KIR2DL3: variants seen among roughly 807,000 people sequenced by gnomAD.
KIR2DL3 encodes killer cell immunoglobulin like receptor, two Ig domains and long cytoplasmic tail 3, also known as killer cell immunoglobulin-like receptor 2DL3.
A neutral mutation model predicts 33.8 loss-of-function variants in KIR2DL3; 39 were observed. The ratio of observed to expected loss-of-function variants is 1.15; its 90% CI spans 0.89 to 1.51. KIR2DL3 has a LOEUF of 1.51. KIR2DL3 is among the 40% of genes most tolerant of loss of function. The pLI is 0.00. For synonymous variants in KIR2DL3, 174 were observed against 160.2 expected, an observed-to-expected ratio of 1.09 and a Z score of -0.65; for missense variants, 462 against 426.2, an observed-to-expected ratio of 1.08 and a Z score of -0.74.
At chr19:54,742,756 T>G (rs686822) in intron 3 of KIR2DL3, among the ~76,000 whole-genome samples, 1 of 144,738 alleles carries the variant, frequency 6.9e-6, no homozygotes, top group African/African-American at 2.6e-5. Flanking sequence ...TGGAGAGTAA[T>G]CGTCCCAGGA....
chr19:54,742,349 G>A, intron 3 of KIR2DL3, 70 bp downstream of exon 3: 3 of 1,589,748 alleles, frequency 1.9e-6, no homozygotes, highest in Non-Finnish European at 2.6e-6. Context: ...GGAACCCCCA[G>A]GTAGTTGTAA....
In KIR2DL3 at chr19:54,752,276, C is replaced by T. The variant is rs780851238; in HGVS notation, c.873+8C>T. The T allele has an allele frequency of 6.7e-6, 10 of 1,485,974 alleles. 1 individual carries two copies. The highest frequency in any genetic ancestry group is 4.5e-5 in the East Asian group (2 of 44,368). 92.0% of individuals were successfully genotyped at this position (1,485,974 alleles called of 1,614,324 possible). A position where few individuals can be genotyped will look rare whatever the true frequency, so the allele number is the denominator to read the frequency against. On this transcript the variant is annotated splice_region_variant and intron_variant, in intron 7 of 7. Transcript: ENST00000342376. ...AGAACAGTGAACAGGGAGGTAGGTG[C>T]TCCTCGGCCCAGCCTCGTGGCTAGT...
intron 4 of KIR2DL3, among the ~76,000 whole-genome samples, chr19:54,746,787 A>T (rs1347809159): frequency 1.3e-5 from 2 of 150,228 alleles, no homozygotes; most frequent in East Asian, 3.9e-4. Context: ...GTTCAAGATT[A>T]GTCTGGCCGA....
rs1250160217 is a variant in KIR2DL3, at chr19:54,741,832, C to T, written c.71-148C>T. 332 of 1,178,716 alleles carry T rather than the reference C, an allele frequency of 2.8e-4. 2 individuals carry two copies. Among genetic ancestry groups the T allele is most frequent in the Middle Eastern group, 1.2e-3 (4 of 3,378 alleles). 73.0% of individuals were successfully genotyped at this position (1,178,716 alleles called of 1,614,324 possible). A position where few individuals can be genotyped will look rare whatever the true frequency, so the allele number is the denominator to read the frequency against. On this transcript the variant is annotated intron_variant, in intron 2 of 7. Coordinates refer to ENST00000342376, the MANE Select transcript of KIR2DL3 (RefSeq NM_015868.3). ...GGGAGACAGATGGAAGGACCTGCACCAGGAGTTAAGGGCACAGAAAAGAAC... is the reference window on the plus strand; with the variant it reads ...GGGAGACAGATGGAAGGACCTGCACTAGGAGTTAAGGGCACAGAAAAGAAC...
intron 4 of KIR2DL3, 57 bp from the exon 5 acceptor site, chr19:54,747,278 A>G: frequency 1.3e-6 from 2 of 1,597,262 alleles, no homozygotes; most frequent in Non-Finnish European, 1.7e-6. Context: ...AAAGATTTCC[A>G]TTGAGTAGAG....
At chr19:54,742,582 C>G (rs545332270) in intron 3 of KIR2DL3, among the ~76,000 whole-genome samples, 1,893 of 152,108 alleles carry the variant, frequency 0.012, 34 homozygotes, top group African/African-American at 0.044. Context: ...GCTCACAGAC[C>G]TGGCACAGGT....
chr19:54,752,671 C>G lies in KIR2DL3; in HGVS notation c.*152C>G, dbSNP rs1397865135. ...TGAGTCTGCATCTTAGGGCATCGCTCTTCCTCACACCACAAATCTGAACGT... is the reference window on the plus strand; with the variant it reads ...TGAGTCTGCATCTTAGGGCATCGCTGTTCCTCACACCACAAATCTGAACGT... On this transcript the variant is annotated 3_prime_UTR_variant, in exon 8 of 8. Transcript: ENST00000342376. 6.4e-6 allele frequency: 7 copies of G among 1,095,226 alleles called. 2 individuals carry two copies. The highest frequency in any genetic ancestry group is 9.3e-6 in the Non-Finnish European group (7 of 751,450). The allele number at this position is 1,095,226 out of a possible 1,614,324, so 67.8% of individuals were successfully genotyped here.
chr19:54,744,236 A>T, intron 4 of KIR2DL3, 148 bp downstream of exon 4: 2 of 1,310,046 alleles, frequency 1.5e-6, no homozygotes, highest in Non-Finnish European at 2.1e-6. Context: ...AGGATGGCAG[A>T]CAGGGCACCT....
rs180901393 is a variant in KIR2DL3 at position 54,752,917 on chromosome 19, C to G, written c.*398C>G. On this transcript the variant is annotated 3_prime_UTR_variant, in exon 8 of 8. Coordinates refer to ENST00000342376, the MANE Select transcript of KIR2DL3 (RefSeq NM_015868.3). ...TCTTAACACGGCACTTAGACACGTG[C>G]TGTTCCACCTTCCCTCATGCTGTTC... The G allele has an allele frequency of 6.0e-5, 19 of 314,286 alleles. No individual in the cohort carries two copies. Among genetic ancestry groups the G allele is most frequent in the Admixed American group, 9.8e-5 (2 of 20,506 alleles). 19.5% of individuals were successfully genotyped at this position (314,286 alleles called of 1,614,324 possible). A position where few individuals can be genotyped will look rare whatever the true frequency, so the allele number is the denominator to read the frequency against.
chr19:54,750,161 T>C (rs375282310), intron 5 of KIR2DL3, among the ~76,000 whole-genome samples: 2 of 112,726 alleles, frequency 1.8e-5, no homozygotes, highest in African/African-American at 3.4e-5. Flanking sequence ...AACAAAAAAC[T>C]TGCCCACTCA....
chr19:54,744,349 G>A (rs1273174647), intron 4 of KIR2DL3, among the ~76,000 whole-genome samples: 2 of 152,010 alleles, frequency 1.3e-5, no homozygotes, highest in East Asian at 1.9e-4. Context: ...AGAGAGACTG[G>A]GCTCAGTTTG....
chr19:54,747,470 A>G lies in KIR2DL3; in HGVS notation c.715+85A>G, dbSNP rs1327055497. 2.7e-6 allele frequency: 4 copies of G among 1,498,494 alleles called. No homozygotes were observed. The African/African-American group carries it at 5.5e-5, about 21-fold the overall frequency. The allele number at this position is 1,498,494 out of a possible 1,614,324, so 92.8% of individuals were successfully genotyped here. A position where few individuals can be genotyped will look rare whatever the true frequency, so the allele number is the denominator to read the frequency against. On this transcript the variant is annotated intron_variant, in intron 5 of 7. Transcript: ENST00000342376. ...TGCAGGCATTGACTCAGCATCTCGC[A>G]GCTCTGACATTGTACGCCTGTCTTC...
chr19:54,743,847 A>G lies in KIR2DL3; in HGVS notation c.423A>G (p.Ala141=), dbSNP rs1343812809. Residue 141 remains alanine (A), a synonymous_variant, in exon 4 of 8, where the codon GCA becomes GCG. Coordinates refer to ENST00000342376, the MANE Select transcript of KIR2DL3 (RefSeq NM_015868.3). ...LSAQPGPTVL[A]GESVTLSCSS... Reference sequence around the variant, plus strand: ...CCCAGCCGGGCCCCACGGTTCTGGCAGGAGAGAGCGTGACCTTGTCCTGCA... The same window carrying G: ...CCCAGCCGGGCCCCACGGTTCTGGCGGGAGAGAGCGTGACCTTGTCCTGCA... 1.3e-5 allele frequency: 21 copies of G among 1,613,504 alleles called. No individual in the cohort carries two copies. Among genetic ancestry groups the G allele is most frequent in the Non-Finnish European group, 1.7e-5 (20 of 1,179,692 alleles).
chr19:54,740,533 CT>C (rs1251134700), intron 2 of KIR2DL3, among the ~76,000 whole-genome samples: 1 of 151,742 alleles, frequency 6.6e-6, no homozygotes, highest in Non-Finnish European at 1.5e-5. Context: ...CAGCAACCCC[CT>C]GGTGATCGTG....
Position 54,752,519 on chromosome 19 carries a change from A to G in KIR2DL3, c.1026A>G (p.Ter342TrpextTer8). The G allele has an allele frequency of 2.7e-6, 4 of 1,463,390 alleles. 1 individual carries two copies. Among genetic ancestry groups the G allele is most frequent in the Non-Finnish European group, 3.7e-6 (4 of 1,076,298 alleles). The allele number at this position is 1,463,390 out of a possible 1,614,324, so 90.7% of individuals were successfully genotyped here. Reference sequence around the variant, plus strand: ...CGGAACTTCCAAATGCTGAGCCCTGATCCAAAGTTGTCTCCTGCCCATGAG... The same window carrying G: ...CGGAACTTCCAAATGCTGAGCCCTGGTCCAAAGTTGTCTCCTGCCCATGAG... ...VYTELPNAEP[*>W] Residue 342 changes from the stop codon to tryptophan, a stop_lost, in exon 8 of 8, where the codon TGA (stop) becomes TGG (tryptophan). Transcript: ENST00000342376.
chr19:54,747,015 G>A (rs1387728376), intron 4 of KIR2DL3, among the ~76,000 whole-genome samples: 1 of 141,604 alleles, frequency 7.1e-6, no homozygotes, highest in Non-Finnish European at 1.6e-5. Flanking sequence ...GGAGGTAAAT[G>A]CATGGATTAT....
At chr19:54,740,672 T>C (rs1313731572) in intron 2 of KIR2DL3, among the ~76,000 whole-genome samples, 5 of 151,836 alleles carry the variant, frequency 3.3e-5, no homozygotes, top group African/African-American at 9.7e-5. Context: ...TAAAGGGGGA[T>C]TGAATACAGG....
At chr19:54,738,670 G>T (rs1384922085) in intron 1 of KIR2DL3, 91 bp downstream of exon 1, 7 of 1,599,290 alleles carry the variant, frequency 4.4e-6, no homozygotes, top group African/African-American at 4.0e-5. Flanking sequence ...GGAGTTATGG[G>T]CCTAGAGATG....
Position 54,752,137 on chromosome 19 carries a change from C to G in KIR2DL3, c.821-79C>G. On this transcript the variant is annotated intron_variant, in intron 6 of 7. Transcript: ENST00000342376. ...GACCTCAGGCTCCTATGGTCTCCCCCTGTATGTTGGTATCTGCTTATGAAA... is the reference window on the plus strand; with the variant it reads ...GACCTCAGGCTCCTATGGTCTCCCCGTGTATGTTGGTATCTGCTTATGAAA... 2 of 1,382,660 alleles carry G rather than the reference C, an allele frequency of 1.4e-6. 1 individual carries two copies. The highest frequency in any genetic ancestry group is 2.0e-6 in the Non-Finnish European group (2 of 1,009,414). The allele number at this position is 1,382,660 out of a possible 1,614,324, so 85.6% of individuals were successfully genotyped here. A position where few individuals can be genotyped will look rare whatever the true frequency, so the allele number is the denominator to read the frequency against.
Sources: allele counts gnomAD v4.1 joint callset (sites outside exome capture counted in the v4.1 genomes callset), GRCh38; gene constraint gnomAD v4.1.1; transcripts MANE v1.5; gene names NCBI Gene and HGNC (gene_info 2026-07-23, HGNC 2026-07-21).